ZSCAN5A: variants seen among roughly 807,000 people sequenced by gnomAD.
ZSCAN5A encodes zinc finger and SCAN domain-containing protein 5A.
A neutral mutation model predicts 23.7 loss-of-function variants in ZSCAN5A; 12 were observed. The observed-to-expected ratio is 0.51, with a 90% CI of 0.32 to 0.82. The LOEUF (loss-of-function observed/expected upper bound fraction) is 0.82, where lower values mean the gene tolerates loss of function less well. Ranked by LOEUF, ZSCAN5A falls within the 40% of genes least tolerant of loss-of-function variation. ZSCAN5A has a pLI of 0.03. For missense variants in ZSCAN5A, 597 were observed against 617.9 expected (o/e 0.97, Z 0.36); for synonymous variants, 257 against 239.9 (o/e 1.07, Z -0.66).
At chr19:56,320,358 C>G in intron 2 of ZSCAN5A, 1 of 352,174 alleles carries the variant, frequency 2.8e-6, no homozygotes, top group African/African-American at 2.1e-5. Context: ...GAAACCCAAT[C>G]TCTACTAAAA....
chr19:56,248,466 C>T (rs375651201), intron 2 of ZSCAN5A, among the ~76,000 whole-genome samples: 10 of 152,026 alleles, frequency 6.6e-5, no homozygotes, highest in African/African-American at 2.4e-4. Flanking sequence ...GCCACGTTGC[C>T]CAGCCTGGTC....
At chr19:56,300,667 G>T (rs1241741380) in intron 2 of ZSCAN5A, among the ~76,000 whole-genome samples, 1 of 152,162 alleles carries the variant, frequency 6.6e-6, no homozygotes, top group Non-Finnish European at 1.5e-5. Context: ...TAAGCAAAGG[G>T]GACAAGGAGT....
At chr19:56,287,986 G>A (rs1303564743) in intron 2 of ZSCAN5A, among the ~76,000 whole-genome samples, 1 of 152,210 alleles carries the variant, frequency 6.6e-6, no homozygotes. Flanking sequence ...GGCAGACCAG[G>A]AGCGTGGGTC....
intron 2 of ZSCAN5A, among the ~76,000 whole-genome samples, chr19:56,358,605 C>A (rs1460236056): frequency 6.6e-6 from 1 of 152,150 alleles, no homozygotes; most frequent in Non-Finnish European, 1.5e-5. Context: ...AAGTCTCCAC[C>A]CAAAACCAAC....
intron 2 of ZSCAN5A, among the ~76,000 whole-genome samples, chr19:56,274,135 G>C (rs747625885): frequency 7.9e-5 from 12 of 152,114 alleles, no homozygotes; most frequent in Non-Finnish European, 1.8e-4. Context: ...CTGGGGAATT[G>C]AGGCTGCCCT....
At chr19:56,362,714 C>A (rs565387316) in intron 2 of ZSCAN5A, among the ~76,000 whole-genome samples, 16 of 151,564 alleles carry the variant, frequency 1.1e-4, no homozygotes, top group Middle Eastern at 3.4e-3. Context: ...CTGAAAAATA[C>A]AAAAAAATTA....
chr19:56,256,356 C>G (rs2036691163), intron 2 of ZSCAN5A, among the ~76,000 whole-genome samples: 1 of 152,040 alleles, frequency 6.6e-6, no homozygotes, highest in Non-Finnish European at 1.5e-5. Flanking sequence ...CCACACCCGG[C>G]TAATCTTTTG....
rs10407855 is a variant in ZSCAN5A at position 56,227,042 on chromosome 19, T to C, written c.-127-1869A>G. 2.2e-3 allele frequency among the ~76,000 whole-genome samples: 332 copies of C among 152,286 alleles called. 2 individuals carry two copies. Among genetic ancestry groups the C allele is most frequent in the African/African-American group, 7.6e-3 (314 of 41,546 alleles). On this transcript the variant is annotated intron_variant, in intron 2 of 5. Coordinates refer to ENST00000683990, the MANE Select transcript of ZSCAN5A (RefSeq NM_001322064.3). ...AGGGCTGGGGTAGGGGTTGGGAAGA[T>C]ATAGGTCAAAGAGTACAAATTTCAA...
At chr19:56,355,533 T>G (rs2041695853) in intron 2 of ZSCAN5A, among the ~76,000 whole-genome samples, 1 of 148,854 alleles carries the variant, frequency 6.7e-6, no homozygotes, top group Non-Finnish European at 1.5e-5. Flanking sequence ...AAGAAAATAC[T>G]GGAAAAACTA....
intron 2 of ZSCAN5A, among the ~76,000 whole-genome samples, chr19:56,307,651 C>T (rs1231651647): frequency 1.3e-5 from 2 of 152,186 alleles, no homozygotes; most frequent in Admixed American, 6.5e-5. Flanking sequence ...AGATAAGTCA[C>T]TGCAAATGCC....
At chr19:56,354,998 A>G (rs2041692617) in intron 2 of ZSCAN5A, among the ~76,000 whole-genome samples, 1 of 152,226 alleles carries the variant, frequency 6.6e-6, no homozygotes, top group Non-Finnish European at 1.5e-5. Context: ...GGACCCCAAC[A>G]TTAATATGCT....
rs1473788109 is a variant in ZSCAN5A, at chr19:56,225,005, G to C, written c.42C>G (p.Ser14=). The C allele has an allele frequency of 6.2e-7, 1 of 1,613,490 alleles. No individual in the cohort carries two copies. The highest frequency in any genetic ancestry group is 8.5e-7 in the Non-Finnish European group (1 of 1,179,672). ...NCTSSWSLGE[S]CNRPGLELPR... is the part of the protein sequence containing the mutation. ...GCAGCTCCAACCCAGGTCTGTTGCA[G>C]GATTCTCCTAGACTCCATGAGGATG... Residue 14 remains serine (S), a synonymous_variant, in exon 3 of 6, where the codon TCC becomes TCG. Coordinates refer to ENST00000683990, the MANE Select transcript of ZSCAN5A (RefSeq NM_001322064.3).
At chr19:56,310,938 G>A (rs2147369204) in intron 2 of ZSCAN5A, among the ~76,000 whole-genome samples, 1 of 152,224 alleles carries the variant, frequency 6.6e-6, no homozygotes, top group Non-Finnish European at 1.5e-5. Flanking sequence ...GTAACAGTAG[G>A]GTAGAAGTTC....
At position 56,221,887 on chromosome 19, in the gene ZSCAN5A, G is replaced by A; in HGVS notation, c.1179C>T (p.Phe393=). 1 of 1,614,200 alleles carries A rather than the reference G, an allele frequency of 6.2e-7. No individual in the cohort carries two copies. The highest frequency in any genetic ancestry group is 8.5e-7 in the Non-Finnish European group (1 of 1,180,034). ...LFQCNLCGKR[F]MQLISLQFHQ... The stretch of plus-strand genomic sequence containing the variant: ...GAAATTGGAGGCTAATAAGCTGCAT[G>A]AAGCGCTTCCCACAGAGATTACATT... Residue 393 remains phenylalanine, a synonymous_variant, in exon 6 of 6, where the codon TTC becomes TTT. Coordinates refer to ENST00000683990, the MANE Select transcript of ZSCAN5A (RefSeq NM_001322064.3).
intron 2 of ZSCAN5A, among the ~76,000 whole-genome samples, chr19:56,231,569 G>A (rs2034466107): frequency 6.6e-6 from 1 of 152,130 alleles, no homozygotes; most frequent in South Asian, 2.1e-4. Context: ...CAGCCCCCTT[G>A]ATGTGCAATC....
Position 56,225,055 on chromosome 19 carries a change from G to A in ZSCAN5A, c.-9C>T. On this transcript the variant is annotated 5_prime_UTR_variant, in exon 3 of 6. Transcript: ENST00000683990. ...GTGCAATTTGCAGCCATATCTAGTG[G>A]AGAATTTTTTAATCAGTCTCTGAGA... The A allele has an allele frequency of 6.4e-7, 1 of 1,572,660 alleles. No homozygotes were observed. The highest frequency in any genetic ancestry group is 8.6e-7 in the Non-Finnish European group (1 of 1,158,778).
At chr19:56,321,869 G>C in intron 2 of ZSCAN5A, 1 of 814,896 alleles carries the variant, frequency 1.2e-6, no homozygotes, top group South Asian at 1.3e-5. Flanking sequence ...AGAAATTTCT[G>C]GCAGGTTGGC....
At chr19:56,257,227 G>A (rs2036766500) in intron 2 of ZSCAN5A, among the ~76,000 whole-genome samples, 1 of 152,210 alleles carries the variant, frequency 6.6e-6, no homozygotes, top group Admixed American at 6.5e-5. Context: ...AGTTTGGACA[G>A]AAGCAATGTG....
intron 2 of ZSCAN5A, among the ~76,000 whole-genome samples, chr19:56,269,314 T>C (rs1009518671): frequency 1.3e-5 from 2 of 152,200 alleles, no homozygotes; most frequent in Non-Finnish European, 2.9e-5. Context: ...TTATATGGCA[T>C]AATAATATAA....
Sources: gnomAD v4.1 joint callset for allele counts (sites outside exome capture counted in the v4.1 genomes callset) on GRCh38, gnomAD v4.1.1 for gene constraint, MANE v1.5 for transcripts, NCBI Gene and HGNC (gene_info 2026-07-23, HGNC 2026-07-21) for gene names.